SLCO3A1: variants seen among roughly 807,000 people sequenced by gnomAD.
SLCO3A1 encodes the protein PGE1 transporter.
SLCO3A1 carries 27 observed loss-of-function variants against 63.1 expected under a neutral mutation model. The observed-to-expected ratio is 0.43, with a 90% confidence interval of 0.32 to 0.59. SLCO3A1 has a LOEUF of 0.59. Among genes scored for constraint, SLCO3A1 ranks in the 20% least tolerant of loss-of-function variants. SLCO3A1 has a pLI of 0.09. For synonymous variants in SLCO3A1, 473 were observed against 409.9 expected (o/e 1.15, Z -1.86); for missense variants, 773 against 945.8 (o/e 0.82, Z 2.40).
chr15:91,932,422 C>T (rs541169985), intron 2 of SLCO3A1, among the ~76,000 whole-genome samples: 1 of 152,040 alleles, frequency 6.6e-6, no homozygotes, highest in South Asian at 2.1e-4. Flanking sequence ...TATTTTGAAG[C>T]AAATTTTAGA....
chr15:92,064,770 A>G (rs1006983699), intron 2 of SLCO3A1, among the ~76,000 whole-genome samples: 1 of 152,240 alleles, frequency 6.6e-6, no homozygotes, highest in Non-Finnish European at 1.5e-5. Flanking sequence ...GCCAGGCACA[A>G]AAACAAATAT....
intron 1 of SLCO3A1, among the ~76,000 whole-genome samples, chr15:91,866,065 A>C (rs1447895077): frequency 6.6e-6 from 1 of 152,192 alleles, no homozygotes; most frequent in Admixed American, 6.5e-5. Flanking sequence ...GAAGGTAACC[A>C]TGTTACTCTC....
chr15:92,114,965 C>T (rs2047775727), intron 4 of SLCO3A1, among the ~76,000 whole-genome samples: 1 of 152,188 alleles, frequency 6.6e-6, no homozygotes, highest in African/African-American at 2.4e-5. Flanking sequence ...ACCCAAAAAG[C>T]ATTGGCTACC....
chr15:91,963,930 G>A (rs780847194), intron 2 of SLCO3A1, among the ~76,000 whole-genome samples: 5 of 152,036 alleles, frequency 3.3e-5, no homozygotes, highest in Admixed American at 6.6e-5. Context: ...ATTTGGCCCC[G>A]CCCACATCCT....
intron 6 of SLCO3A1, among the ~76,000 whole-genome samples, chr15:92,127,682 T>A (rs1348779749): frequency 7.9e-5 from 12 of 152,228 alleles, no homozygotes; most frequent in Non-Finnish European, 1.6e-4. Flanking sequence ...TGTTCTTTTT[T>A]CAGTTTGCTT....
At chr15:92,094,282 G>A (rs1446031568) in intron 2 of SLCO3A1, among the ~76,000 whole-genome samples, 2 of 152,152 alleles carry the variant, frequency 1.3e-5, no homozygotes, top group African/African-American at 4.8e-5. Flanking sequence ...AACAGATAAT[G>A]ACTTCAAAAC....
intron 7 of SLCO3A1, among the ~76,000 whole-genome samples, chr15:92,132,170 C>T (rs2048004290): frequency 6.9e-6 from 1 of 145,422 alleles, no homozygotes; most frequent in Non-Finnish European, 1.5e-5. Flanking sequence ...AAGACCTGAT[C>T]CTTGCTCGCC....
intron 1 of SLCO3A1, among the ~76,000 whole-genome samples, chr15:91,915,762 G>A (rs1898633962): frequency 6.6e-6 from 1 of 152,122 alleles, no homozygotes; most frequent in African/African-American, 2.4e-5. Flanking sequence ...AAACATTGTT[G>A]CTACTGGGAA....
chr15:91,918,043 G>C (rs1400758533), intron 2 of SLCO3A1, among the ~76,000 whole-genome samples: 1 of 152,212 alleles, frequency 6.6e-6, no homozygotes, highest in Non-Finnish European at 1.5e-5. Context: ...TAACAGTGCT[G>C]TATCACTTCT....
At position 91,856,255 on chromosome 15, in the gene SLCO3A1, G is replaced by GA. The variant is rs1395003289; in HGVS notation, c.180+2170dup. On this transcript the variant is annotated intron_variant, in intron 1 of 9. Transcript: ENST00000318445. The surrounding 1 kb of genome is among the most constrained non-coding windows in gnomAD (Gnocchi z 4.9). ...AACAGGAGTCAACAGGTGACTTGCA[G>GA]AAAGCAGCTGGAGGCCCAGGAGAGG... 2.2e-4 allele frequency among the ~76,000 whole-genome samples: 34 copies of GA among 152,258 alleles called. 1 individual carries two copies. The highest frequency in any genetic ancestry group is 2.2e-3 in the Admixed American group (33 of 15,298).
At chr15:92,022,049 G>A (rs1250103764) in intron 2 of SLCO3A1, among the ~76,000 whole-genome samples, 1 of 152,150 alleles carries the variant, frequency 6.6e-6, no homozygotes, top group African/African-American at 2.4e-5. Flanking sequence ...TGATGAGGCA[G>A]GAAATCCTGT....
Position 92,151,254 on chromosome 15 carries a change from T to C in SLCO3A1, c.1753+240T>C, listed in dbSNP as rs1310737519. ...ATCTTCACGCCACCGTGAATTCTCA[T>C]CGGCATAAGGAGGAAAAGAGATGGC... On this transcript the variant is annotated intron_variant, in intron 9 of 9. Transcript: ENST00000318445. 1.2e-5 allele frequency: 5 copies of C among 427,642 alleles called. No homozygotes were observed. In the East Asian group the frequency reaches 2.1e-4, roughly 18 times the overall value. The allele number at this position is 427,642 out of a possible 1,614,324, so 26.5% of individuals were successfully genotyped here.
In SLCO3A1 at chr15:92,164,623, A is replaced by G. The variant is rs2048477869; in HGVS notation, c.*1488A>G. ...TAAGAAGTCTGTAGCATCTCTGATA[A>G]CGAATAGACCCACAAGCTCCTGGAA... On this transcript the variant is annotated 3_prime_UTR_variant, in exon 10 of 10. Transcript: ENST00000318445. 1 of 985,186 alleles carries G rather than the reference A, an allele frequency of 1.0e-6. No homozygotes were observed. The highest frequency in any genetic ancestry group is 1.1e-4 in the East Asian group (1 of 8,828). 61.0% of individuals were successfully genotyped at this position (985,186 alleles called of 1,614,324 possible).
intron 2 of SLCO3A1, among the ~76,000 whole-genome samples, chr15:92,016,266 A>ATTAGATAGATAGATATAGATAGATAGAT (rs33962041): frequency 3.7e-5 from 5 of 134,912 alleles, no homozygotes; most frequent in Admixed American, 7.8e-5. Context: ...AGATAGATAG[A>ATTAGATAGATAGATATAGATAGATAGAT]TAGATAGATA....
intron 3 of SLCO3A1, among the ~76,000 whole-genome samples, chr15:92,098,989 C>G (rs1400549962): frequency 6.6e-6 from 1 of 152,236 alleles, no homozygotes; most frequent in East Asian, 1.9e-4. Context: ...CTCAAAGCCC[C>G]ACTCTTAACA....
At chr15:92,166,241 G>A (rs544260594), downstream of SLCO3A1, among the ~76,000 whole-genome samples, 4 of 152,226 alleles carry the variant, frequency 2.6e-5, no homozygotes, top group South Asian at 2.1e-4. Flanking sequence ...CATGGCATGC[G>A]GGCTTTCCTC....
chr15:92,163,989 G>C lies in SLCO3A1; in HGVS notation c.*854G>C. On this transcript the variant is annotated 3_prime_UTR_variant, in exon 10 of 10. Transcript: ENST00000318445. ...CTCAGAGCTGGTGAGACCCAACGCA[G>C]TCCAAGTCATTTGCTTACATTTGCC... 1 of 985,380 alleles carries C rather than the reference G, an allele frequency of 1.0e-6. No individual in the cohort carries two copies. Among genetic ancestry groups the C allele is most frequent in the South Asian group, 4.7e-5 (1 of 21,292 alleles). 61.0% of individuals were successfully genotyped at this position (985,380 alleles called of 1,614,324 possible). A position where few individuals can be genotyped will look rare whatever the true frequency, so the allele number is the denominator to read the frequency against.
At chr15:91,921,656 A>G (rs899713040) in intron 2 of SLCO3A1, among the ~76,000 whole-genome samples, 2 of 152,116 alleles carry the variant, frequency 1.3e-5, no homozygotes, top group Non-Finnish European at 2.9e-5. Flanking sequence ...TGTCATGGTA[A>G]CTATCACACA....
At chr15:92,150,419 A>G (rs2048289475) in intron 8 of SLCO3A1, among the ~76,000 whole-genome samples, 1 of 152,194 alleles carries the variant, frequency 6.6e-6, no homozygotes, top group African/African-American at 2.4e-5. Flanking sequence ...AATATTAACC[A>G]TCACAGTGCT....
Sources: allele counts gnomAD v4.1 joint callset (sites outside exome capture counted in the v4.1 genomes callset), GRCh38; gene constraint gnomAD v4.1.1; non-coding constraint Gnocchi (gnomAD v3.1); transcripts MANE v1.5; gene names NCBI Gene and HGNC (gene_info 2026-07-23, HGNC 2026-07-21).